ST18: variants seen among roughly 807,000 people sequenced by gnomAD.
The protein encoded by ST18 is ST18 C2H2C-type zinc finger transcription factor.
A neutral mutation model predicts 110.0 loss-of-function variants in ST18; 50 were observed. The observed-to-expected ratio is 0.45, with a 90% CI of 0.36 to 0.58. The LOEUF (loss-of-function observed/expected upper bound fraction) is 0.58, where lower values mean the gene tolerates loss of function less well. Ranked by LOEUF, ST18 falls within the 20% of genes least tolerant of loss-of-function variation. The pLI is 0.00. For missense variants in ST18, 1,306 were observed against 1,280.1 expected (o/e 1.02, Z -0.31); for synonymous variants, 461 against 452.4 (o/e 1.02, Z -0.24).
intron 8 of ST18, among the ~76,000 whole-genome samples, chr8:52,197,670 G>C (rs1187163700): frequency 6.6e-6 from 1 of 152,070 alleles, no homozygotes; most frequent in Non-Finnish European, 1.5e-5. Context: ...TAAAAAGAAG[G>C]AACAGTGAGA....
At chr8:52,335,358 C>A (rs1811555752) in intron 2 of ST18, among the ~76,000 whole-genome samples, 1 of 152,158 alleles carries the variant, frequency 6.6e-6, no homozygotes, top group Non-Finnish European at 1.5e-5. Flanking sequence ...CACCACCAAT[C>A]CTCTCTGTTC....
intron 2 of ST18, among the ~76,000 whole-genome samples, chr8:52,331,056 C>A (rs1178221418): frequency 4.6e-5 from 7 of 152,270 alleles, no homozygotes; most frequent in African/African-American, 1.7e-4. Flanking sequence ...AACAGTTTCC[C>A]TGGCTGCAGT....
rs562065697 is a variant in ST18, at chr8:52,181,999, G to T, written c.87-1687C>A. 3.9e-5 allele frequency among the ~76,000 whole-genome samples: 6 copies of T among 152,132 alleles called. No individual in the cohort carries two copies. In the East Asian group the frequency reaches 7.7e-4, roughly 20 times the overall value. On this transcript the variant is annotated intron_variant, in intron 8 of 25. Transcript: ENST00000689386. ...AACTGTGTCAGTGTAGGATGAAAAG[G>T]ATAGTTAAAGTATCCTGAGTCAAAT...
At chr8:52,157,106 TCTA>T (rs2060227540) in intron 15 of ST18, among the ~76,000 whole-genome samples, 1 of 152,150 alleles carries the variant, frequency 6.6e-6, no homozygotes, top group African/African-American at 2.4e-5. Flanking sequence ...ACACTGAAAA[TCTA>T]CTGTTTGATT....
intron 23 of ST18, among the ~76,000 whole-genome samples, chr8:52,125,634 G>C (rs1056576180): frequency 1.3e-5 from 2 of 151,138 alleles, no homozygotes; most frequent in Admixed American, 6.6e-5. Context: ...TGGGACTACA[G>C]GTGTGCCCCA....
intron 16 of ST18, among the ~76,000 whole-genome samples, chr8:52,145,910 G>A (rs1391052228): frequency 6.6e-6 from 1 of 152,148 alleles, no homozygotes; most frequent in Admixed American, 6.5e-5. Flanking sequence ...GATATTTTGA[G>A]TTTTTTCCAG....
intron 2 of ST18, among the ~76,000 whole-genome samples, chr8:52,391,916 C>T (rs187399754): frequency 2.6e-4 from 40 of 152,236 alleles, no homozygotes; most frequent in Non-Finnish European, 4.7e-4. Context: ...AAGAAGGGCA[C>T]TCCAAGTAGA....
intron 2 of ST18, among the ~76,000 whole-genome samples, chr8:52,293,023 C>T (rs902579631): frequency 2.6e-5 from 4 of 152,188 alleles, no homozygotes; most frequent in Admixed American, 1.3e-4. Flanking sequence ...ATTAATCGAT[C>T]GTGAGAATTA....
chr8:52,368,221 A>G (rs945763267), intron 2 of ST18, among the ~76,000 whole-genome samples: 1 of 152,242 alleles, frequency 6.6e-6, no homozygotes, highest in Non-Finnish European at 1.5e-5. Context: ...ATAGAAGGAA[A>G]AAAACCTATT....
At chr8:52,141,426 T>G (rs894759676) in intron 17 of ST18, among the ~76,000 whole-genome samples, 3 of 152,206 alleles carry the variant, frequency 2.0e-5, no homozygotes, top group African/African-American at 4.8e-5. Flanking sequence ...AATAAGAGGT[T>G]GCATAGTAAA....
chr8:52,161,298 C>A, intron 14 of ST18, 77 bp downstream of exon 14: 1 of 1,466,256 alleles, frequency 6.8e-7, no homozygotes, highest in African/African-American at 1.4e-5. Flanking sequence ...TAAGTACAGC[C>A]CCCTGGCCCC....
At chr8:52,277,439 C>T (rs546772247) in intron 2 of ST18, among the ~76,000 whole-genome samples, 2 of 152,296 alleles carry the variant, frequency 1.3e-5, no homozygotes, top group Admixed American at 1.3e-4. Context: ...GTACTTTTCT[C>T]CACTTTCTTC....
intron 2 of ST18, among the ~76,000 whole-genome samples, chr8:52,288,701 A>T (rs1022701296): frequency 3.1e-5 from 4 of 130,276 alleles, no homozygotes; most frequent in Non-Finnish European, 6.2e-5. Flanking sequence ...CTCAAAAAAT[A>T]AAAAAAAAAA....
intron 7 of ST18, 60 bp from the exon 8 acceptor site, chr8:52,212,169 T>A: frequency 1.3e-6 from 2 of 1,526,604 alleles, no homozygotes; most frequent in Non-Finnish European, 8.8e-7. Context: ...CAAAACTGTA[T>A]AATGGAAACT....
intron 2 of ST18, among the ~76,000 whole-genome samples, chr8:52,248,909 T>C (rs1307454852): frequency 1.3e-5 from 2 of 152,126 alleles, no homozygotes; most frequent in Non-Finnish European, 2.9e-5. Flanking sequence ...AAATATATAT[T>C]AGGGGCTGGG....
chr8:52,170,069 G>T (rs563300438), intron 10 of ST18, among the ~76,000 whole-genome samples: 1 of 152,330 alleles, frequency 6.6e-6, no homozygotes, highest in East Asian at 1.9e-4. Context: ...TTCATTGCCT[G>T]TAAGGTATCA....
intron 2 of ST18, among the ~76,000 whole-genome samples, chr8:52,241,606 T>G (rs1203331408): frequency 6.6e-6 from 1 of 152,234 alleles, no homozygotes; most frequent in Non-Finnish European, 1.5e-5. Flanking sequence ...GCAGATGGTG[T>G]GGCTAATATT....
chr8:52,233,637 G>A (rs951197147), intron 2 of ST18, among the ~76,000 whole-genome samples: 10 of 152,060 alleles, frequency 6.6e-5, no homozygotes, highest in Admixed American at 1.3e-4. Flanking sequence ...TGTCTCCCAC[G>A]ACCAATGAGA....
chr8:52,121,832 C>G (rs2044947304), intron 23 of ST18, among the ~76,000 whole-genome samples: 1 of 152,050 alleles, frequency 6.6e-6, no homozygotes, highest in African/African-American at 2.4e-5. Context: ...ACCGTATAAA[C>G]TATCCACTAA....
Sources: gnomAD v4.1 joint callset for allele counts (sites outside exome capture counted in the v4.1 genomes callset) on GRCh38, gnomAD v4.1.1 for gene constraint, MANE v1.5 for transcripts, NCBI Gene and HGNC (gene_info 2026-07-23, HGNC 2026-07-21) for gene names.